RET: variants seen among roughly 807,000 people sequenced by gnomAD.
RET encodes the protein ret proto-oncogene, also known as proto-oncogene tyrosine-protein kinase receptor Ret.
In RET, 19 loss-of-function variants were observed where a neutral mutation model predicts 118.3. The ratio of observed to expected loss-of-function variants is 0.16; its 90% CI spans 0.11 to 0.24. The LOEUF is 0.24. RET is among the 10% of genes least tolerant of loss of function. The probability of loss-of-function intolerance (pLI) is 1.00; values close to 1 mark genes in which losing one functional copy is unlikely to be tolerated. For missense variants in RET, 1,219 were observed against 1,502.1 expected (o/e 0.81, Z 3.12); for synonymous variants, 597 against 644.1 (o/e 0.93, Z 1.11).
At chr10:43,124,858 T>C in intron 17 of RET, 25 bp from the exon 18 acceptor site, 2 of 1,611,614 alleles carry the variant, frequency 1.2e-6, no homozygotes, top group South Asian at 2.2e-5. Flanking sequence ...TTGGATCATA[T>C]TGGCCTGTCT....
intron 2 of RET, among the ~76,000 whole-genome samples, chr10:43,101,175 A>C (rs535242787): frequency 6.2e-5 from 9 of 145,180 alleles, no homozygotes; most frequent in Admixed American, 3.4e-4. Flanking sequence ...GGCCTGTCCC[A>C]GGTGTCCAGG....
At position 43,129,699 on chromosome 10, in the gene RET, A is replaced by G. The variant is rs775114955; in HGVS notation, c.*1430A>G. The G allele has an allele frequency of 7.7e-4, 271 of 350,888 alleles. 3 individuals carry two copies. The highest frequency in any genetic ancestry group is 4.3e-3 in the Middle Eastern group (6 of 1,382). 21.7% of individuals were successfully genotyped at this position (350,888 alleles called of 1,614,324 possible). A position where few individuals can be genotyped will look rare whatever the true frequency, so the allele number is the denominator to read the frequency against. On this transcript the variant is annotated 3_prime_UTR_variant, in exon 20 of 20. Transcript: ENST00000355710. ...GTCTCATTCAAATACTGTATTTTATATAGGCATTTCACAAAAACAGCAAAA... is the reference window on the plus strand; with the variant it reads ...GTCTCATTCAAATACTGTATTTTATGTAGGCATTTCACAAAAACAGCAAAA...
intron 19 of RET, among the ~76,000 whole-genome samples, 188 bp from the exon 20 acceptor site, chr10:43,127,924 G>A (rs1054219312): frequency 6.6e-6 from 1 of 152,122 alleles, no homozygotes; most frequent in Non-Finnish European, 1.5e-5. Context: ...TTTACCAAGA[G>A]AGCACATGAT....
rs2132748522 is a variant in RET at position 43,109,307 on chromosome 10, C to T, written c.1263+77C>T. On this transcript the variant is annotated intron_variant, in intron 6 of 19. Transcript: ENST00000355710. Reference sequence around the variant, plus strand: ...TGGGGGCACAGGGAGGCAGGTGACACTGCCTCTTGGCCCAACCAGCACAGA... The same window carrying T: ...TGGGGGCACAGGGAGGCAGGTGACATTGCCTCTTGGCCCAACCAGCACAGA... 3 of 1,451,146 alleles carry T rather than the reference C, an allele frequency of 2.1e-6. No homozygotes were observed. In the South Asian group the frequency reaches 3.6e-5, roughly 17 times the overall value. The allele number at this position is 1,451,146 out of a possible 1,614,324, so 89.9% of individuals were successfully genotyped here. A position where few individuals can be genotyped will look rare whatever the true frequency, so the allele number is the denominator to read the frequency against.
At chr10:43,085,516 G>T (rs907338788) in intron 1 of RET, among the ~76,000 whole-genome samples, 1 of 152,120 alleles carries the variant, frequency 6.6e-6, no homozygotes, top group African/African-American at 2.4e-5. Context: ...TTTCCATCTC[G>T]GCCACCGTCT....
At chr10:43,113,997 T>A (rs956188159) in intron 10 of RET, among the ~76,000 whole-genome samples, 7 of 152,190 alleles carry the variant, frequency 4.6e-5, no homozygotes, top group Non-Finnish European at 1.0e-4. Flanking sequence ...TCAGCAGGTA[T>A]GGTGGGTTGC....
chr10:43,117,711 T>A (rs1243939643), intron 12 of RET, among the ~76,000 whole-genome samples: 4 of 152,228 alleles, frequency 2.6e-5, no homozygotes, highest in African/African-American at 7.2e-5. Context: ...CCTGTTTCCA[T>A]CATGCCTCTA....
At chr10:43,111,684 A>G (rs957876166) in intron 7 of RET, among the ~76,000 whole-genome samples, 5 of 152,244 alleles carry the variant, frequency 3.3e-5, no homozygotes, top group African/African-American at 1.2e-4. Context: ...AACAACAAGC[A>G]GTTTTTTGGT....
chr10:43,122,516 TC>T (rs1024818980), intron 16 of RET, among the ~76,000 whole-genome samples: 2 of 152,248 alleles, frequency 1.3e-5, no homozygotes, highest in Admixed American at 6.5e-5. Flanking sequence ...ATCTCATTCT[TC>T]CAGGTCCAAT....
Position 43,114,527 on chromosome 10 carries a change from C to G in RET, c.1927C>G (p.Leu643Val), listed in dbSNP as rs2132846162. ...LCRTVIAAAV[L>V]FSFIVSVLLS... ...CCGCACGGTGATCGCAGCCGCTGTCCTCTTCTCCTTCATCGTCTCGGTGCT... is the reference window on the plus strand; with the variant it reads ...CCGCACGGTGATCGCAGCCGCTGTCGTCTTCTCCTTCATCGTCTCGGTGCT... Residue 643 changes from leucine (L) to valine (V), a missense_variant, in exon 11 of 20, where the codon CTC becomes GTC. Physicochemically the swap from Leu to Val is conservative, Grantham distance 32. Transcript: ENST00000355710. This position sits in a 1 kb window ranked among gnomAD's most constrained non-coding sequence, Gnocchi z 4.6. The G allele has an allele frequency of 6.2e-7, 1 of 1,609,940 alleles. No individual in the cohort carries two copies. Among genetic ancestry groups the G allele is most frequent in the African/African-American group, 1.3e-5 (1 of 75,004 alleles).
intron 1 of RET, among the ~76,000 whole-genome samples, chr10:43,097,222 A>C (rs1254585267): frequency 3.3e-5 from 5 of 152,152 alleles, no homozygotes. Flanking sequence ...GTGCTTGCAC[A>C]TCATGGAGGC....
At chr10:43,102,824 AAC>A in intron 3 of RET, 195 bp downstream of exon 3, 1 of 665,094 alleles carries the variant, frequency 1.5e-6, no homozygotes. Context: ...CAATGAACAC[AAC>A]GGGTTGGAAT....
Position 43,108,071 on chromosome 10 carries a change from A to G in RET, c.1064-960A>G, listed in dbSNP as rs112347458. On this transcript the variant is annotated intron_variant, in intron 5 of 19. Transcript: ENST00000355710. ...TTTAACAAGATTTTATGGACCAGGC[A>G]TAGTGGCTCACGCCTGTAATCCCAG... Among the ~76,000 whole-genome samples the G allele has an allele frequency of 8.4e-4, 128 of 152,172 alleles. 1 individual carries two copies. The highest frequency in any genetic ancestry group is 3.4e-3 in the Middle Eastern group (1 of 294).
In RET at chr10:43,129,711, C is replaced by T; in HGVS notation, c.*1442C>T. 1 of 365,684 alleles carries T rather than the reference C, an allele frequency of 2.7e-6. No homozygotes were observed. Among genetic ancestry groups the T allele is most frequent in the Non-Finnish European group, 4.9e-6 (1 of 205,804 alleles). The allele number at this position is 365,684 out of a possible 1,614,324, so 22.7% of individuals were successfully genotyped here. The stretch of plus-strand genomic sequence containing the variant: ...TACTGTATTTTATATAGGCATTTCA[C>T]AAAAACAGCAAAATTGTGGCATTTT... On this transcript the variant is annotated 3_prime_UTR_variant, in exon 20 of 20. Transcript: ENST00000355710.
At position 43,119,721 on chromosome 10, in the gene RET, G is replaced by T. The variant is rs146628741; in HGVS notation, c.2583G>T (p.Gly861=). The T allele has an allele frequency of 1.2e-6, 2 of 1,613,342 alleles. No individual in the cohort carries two copies. Among genetic ancestry groups the T allele is most frequent in the Non-Finnish European group, 1.7e-6 (2 of 1,179,952 alleles). The change falls in exon 14 of 20, where the codon GGG becomes GGT. Residue 861 remains glycine (G), a synonymous_variant. Transcript: ENST00000355710. ...LISFAWQISQ[G]MQYLAEMKLV... ...CATTTGCCTGGCAGATCTCACAGGGGATGCAGTATCTGGCCGAGATGAAGG... is the reference window on the plus strand; with the variant it reads ...CATTTGCCTGGCAGATCTCACAGGGTATGCAGTATCTGGCCGAGATGAAGG...
At chr10:43,107,375 A>G (rs571870444) in intron 5 of RET, among the ~76,000 whole-genome samples, 3 of 152,164 alleles carry the variant, frequency 2.0e-5, no homozygotes, top group African/African-American at 7.2e-5. Context: ...TGAGATCCAC[A>G]GTGGCAGCAC....
rs1838181540 is a variant in RET at position 43,120,166 on chromosome 10, A to T, written c.2693A>T (p.Asp898Val). The change falls in exon 15 of 20, where the codon GAT becomes GTT. Residue 898 changes from aspartate (D) to valine (V), a missense_variant. By Grantham distance (152) the Asp-to-Val change is radical. Around this residue, in one of 5 missense-constraint regions of RET, gnomAD observed 73 missense variants for 156.5 expected, o/e 0.47. Transcript: ENST00000355710. ...MKISDFGLSR[D>V]VYEEDSYVKR... The stretch of plus-strand genomic sequence containing the variant: ...ATTTCGGATTTCGGCTTGTCCCGAG[A>T]TGTTTATGAAGAGGATTCCTACGTG... 2.5e-6 allele frequency: 4 copies of T among 1,613,446 alleles called. No individual in the cohort carries two copies. Among genetic ancestry groups the T allele is most frequent in the Admixed American group, 1.7e-5 (1 of 59,992 alleles).
chr10:43,095,615 C>T (rs1004810728), intron 1 of RET, among the ~76,000 whole-genome samples: 2 of 152,244 alleles, frequency 1.3e-5, no homozygotes, highest in African/African-American at 4.8e-5. Context: ...AACAGTCTAG[C>T]ACTTCACTCT....
rs1838085093 is a variant in RET at position 43,116,871 on chromosome 10, T to C, written c.2284+140T>C. On this transcript the variant is annotated intron_variant, in intron 12 of 19. Coordinates refer to ENST00000355710, the MANE Select transcript of RET (RefSeq NM_020975.6). ...GGCTGCAGTTGGGGGACCCCTACCA[T>C]GGGCCACTTGGGCCTAGAGAAGCAG... 4 of 945,176 alleles carry C rather than the reference T, an allele frequency of 4.2e-6. No homozygotes were observed. In the East Asian group the frequency reaches 7.5e-5, roughly 18 times the overall value. The allele number at this position is 945,176 out of a possible 1,614,324, so 58.5% of individuals were successfully genotyped here. A position where few individuals can be genotyped will look rare whatever the true frequency, so the allele number is the denominator to read the frequency against.
Sources: allele counts gnomAD v4.1 joint callset (sites outside exome capture counted in the v4.1 genomes callset), GRCh38; gene constraint gnomAD v4.1.1; regional missense constraint gnomAD v4.1.1; non-coding constraint Gnocchi (gnomAD v3.1); transcripts MANE v1.5; gene names NCBI Gene and HGNC (gene_info 2026-07-23, HGNC 2026-07-21).